PHF14: variants seen among roughly 807,000 people sequenced by gnomAD.
PHF14 encodes PHD finger protein 14.
PHF14 carries 55 observed loss-of-function variants against 117.9 expected under a neutral mutation model. The observed-to-expected ratio is 0.47, with a 90% confidence interval of 0.38 to 0.58. The LOEUF (loss-of-function observed/expected upper bound fraction) is 0.58, where lower values mean the gene tolerates loss of function less well. PHF14 is among the 20% of genes least tolerant of loss of function. PHF14 has a pLI of 0.00. For synonymous variants in PHF14, 409 were observed against 368.6 expected, an observed-to-expected ratio of 1.11 and a Z score of -1.26; for missense variants, 978 against 1,122.2, an observed-to-expected ratio of 0.87 and a Z score of 1.84.
At chr7:10,998,164 G>A (rs1782730269) in intron 4 of PHF14, among the ~76,000 whole-genome samples, 1 of 152,152 alleles carries the variant, frequency 6.6e-6, no homozygotes, top group African/African-American at 2.4e-5. Flanking sequence ...ACCAAGTAGA[G>A]AGATTGAGTA....
chr7:10,987,169 C>G (rs573101733), intron 3 of PHF14, among the ~76,000 whole-genome samples: 2 of 152,166 alleles, frequency 1.3e-5, no homozygotes, highest in African/African-American at 4.8e-5. Context: ...ACAAATTGCT[C>G]TGAGTCCTAA....
intron 3 of PHF14, among the ~76,000 whole-genome samples, chr7:10,989,238 T>C (rs1330688778): frequency 6.6e-6 from 1 of 152,224 alleles, no homozygotes; most frequent in Non-Finnish European, 1.5e-5. Context: ...GGAAGAATTA[T>C]TAATTGTGAC....
chr7:11,153,509 A>C lies in PHF14; in HGVS notation c.2773-15907A>C, dbSNP rs556528070. ...AAGTAGCAGTTGGAATATGAGTTTA[A>C]AGCATGGTATAGATGTGAGGGCTGA... is the stretch of plus-strand genomic sequence containing the variant. On this transcript the variant is annotated intron_variant, in intron 17 of 17. Transcript: ENST00000634607. 4.6e-5 allele frequency among the ~76,000 whole-genome samples: 7 copies of C among 152,156 alleles called. No individual in the cohort carries two copies. The South Asian group carries it at 8.3e-4, about 18-fold the overall frequency.
At chr7:11,163,413 A>G (rs1789107503) in intron 17 of PHF14, among the ~76,000 whole-genome samples, 1 of 152,216 alleles carries the variant, frequency 6.6e-6, no homozygotes, top group Non-Finnish European at 1.5e-5. Context: ...TTTTGTATTA[A>G]ATGAAATAAG....
intron 16 of PHF14, chr7:11,062,702 C>T (rs1015363070): frequency 5.1e-6 from 5 of 984,918 alleles, no homozygotes; most frequent in Non-Finnish European, 6.0e-6. Context: ...TTAGCTGATG[C>T]TGCACATTGG....
intron 16 of PHF14, among the ~76,000 whole-genome samples, chr7:11,069,619 C>A (rs1785541051): frequency 7.3e-6 from 1 of 136,258 alleles, no homozygotes; most frequent in African/African-American, 2.8e-5. Context: ...CCCTCCCTCC[C>A]TCCCTTCTTT....
intron 17 of PHF14, among the ~76,000 whole-genome samples, chr7:11,162,655 A>AGG (rs1236772597): frequency 6.7e-6 from 1 of 150,202 alleles, no homozygotes; most frequent in Non-Finnish European, 1.5e-5. Flanking sequence ...CCCAGATCAG[A>AGG]GGGAGTCCCT....
intron 3 of PHF14, among the ~76,000 whole-genome samples, chr7:10,986,376 A>ACTC (rs1177581949): frequency 6.6e-6 from 1 of 152,202 alleles, no homozygotes; most frequent in African/African-American, 2.4e-5. Context: ...AAACTGAGGA[A>ACTC]GCACACAAGT....
At chr7:11,066,828 T>A (rs2128331378) in intron 16 of PHF14, among the ~76,000 whole-genome samples, 1 of 152,312 alleles carries the variant, frequency 6.6e-6, no homozygotes, top group Admixed American at 6.5e-5. Context: ...GGCTGTGGAG[T>A]AAGCTGTTTC....
At chr7:11,072,110 T>TA (rs552605216) in intron 16 of PHF14, among the ~76,000 whole-genome samples, 70 of 152,288 alleles carry the variant, frequency 4.6e-4, no homozygotes, top group African/African-American at 1.5e-3. Context: ...TTAATTGACT[T>TA]ACGGCTCTGC....
intron 13 of PHF14, among the ~76,000 whole-genome samples, chr7:11,048,100 A>G (rs535102978): frequency 6.6e-6 from 1 of 152,256 alleles, no homozygotes; most frequent in African/African-American, 2.4e-5. Flanking sequence ...TATCTTCAGT[A>G]TTGTCCATGG....
intron 14 of PHF14, among the ~76,000 whole-genome samples, chr7:11,058,580 G>C (rs1785099630): frequency 6.6e-6 from 1 of 152,096 alleles, no homozygotes; most frequent in Admixed American, 6.6e-5. Flanking sequence ...ATGTAGTATG[G>C]AGCTACCAAA....
chr7:11,105,112 A>G, intron 16 of PHF14: 1 of 970,404 alleles, frequency 1.0e-6, no homozygotes, highest in Non-Finnish European at 1.2e-6. Context: ...GCCTGTGTTC[A>G]CAATTCACTC....
At chr7:11,013,228 C>G (rs1272432467) in intron 4 of PHF14, among the ~76,000 whole-genome samples, 1 of 152,122 alleles carries the variant, frequency 6.6e-6, no homozygotes, top group Non-Finnish European at 1.5e-5. Context: ...GTGGCGCAAT[C>G]TTGGCTCACT....
chr7:11,042,074 T>G (rs535494671), intron 12 of PHF14, among the ~76,000 whole-genome samples: 3 of 152,052 alleles, frequency 2.0e-5, no homozygotes, highest in South Asian at 4.1e-4. Context: ...ATCACAAAAT[T>G]CCACAATCTT....
At chr7:11,150,880 CTT>C (rs1350128608) in intron 17 of PHF14, among the ~76,000 whole-genome samples, 2 of 152,064 alleles carry the variant, frequency 1.3e-5, no homozygotes, top group African/African-American at 4.8e-5. Flanking sequence ...TTTAATCAGT[CTT>C]TTGAAATTCA....
At chr7:11,022,463 T>C (rs1295477415) in intron 5 of PHF14, among the ~76,000 whole-genome samples, 1 of 152,202 alleles carries the variant, frequency 6.6e-6, no homozygotes, top group Non-Finnish European at 1.5e-5. Flanking sequence ...ATTAAATTAG[T>C]ATCCTTAATT....
At chr7:11,008,736 C>T (rs1180964185) in intron 4 of PHF14, among the ~76,000 whole-genome samples, 1 of 152,026 alleles carries the variant, frequency 6.6e-6, no homozygotes, top group Admixed American at 6.5e-5. Flanking sequence ...CAATATTACT[C>T]ATTTTAAAAT....
chr7:10,974,040 G>T lies in PHF14; in HGVS notation c.-284G>T. The T allele has an allele frequency of 2.4e-6, 1 of 408,744 alleles. No homozygotes were observed. The highest frequency in any genetic ancestry group is 4.4e-6 in the Non-Finnish European group (1 of 225,702). 25.3% of individuals were successfully genotyped at this position (408,744 alleles called of 1,614,324 possible). On this transcript the variant is annotated 5_prime_UTR_variant, in exon 1 of 18. Transcript: ENST00000634607. ...TTTAACGGGAGAAATTAACTCCCCGGGGCCGCCGGGTTGACTGCGCTGCCT... is the reference window on the plus strand; with the variant it reads ...TTTAACGGGAGAAATTAACTCCCCGTGGCCGCCGGGTTGACTGCGCTGCCT...
Sources: allele counts gnomAD v4.1 joint callset (sites outside exome capture counted in the v4.1 genomes callset), GRCh38; gene constraint gnomAD v4.1.1; transcripts MANE v1.5; gene names NCBI Gene and HGNC (gene_info 2026-07-23, HGNC 2026-07-21).